The following ADARB2 variants were observed in gnomAD, a reference collection of about 807,000 sequenced individuals.
ADARB2 encodes adenosine deaminase RNA specific B2 (inactive).
ADARB2 carries 25 observed loss-of-function variants against 62.2 expected under a neutral mutation model. The observed-to-expected ratio is 0.40, with a 90% CI of 0.29 to 0.56. The LOEUF is 0.56. Among genes scored for constraint, ADARB2 ranks in the 20% least tolerant of loss-of-function variants. The pLI is 0.43. For synonymous variants in ADARB2, 572 were observed against 500.8 expected, an observed-to-expected ratio of 1.14 and a Z score of -1.90; for missense variants, 1,071 against 1,077.4, an observed-to-expected ratio of 0.99 and a Z score of 0.08.
At chr10:1,302,514 G>A (rs1014663101) in intron 3 of ADARB2, among the ~76,000 whole-genome samples, 21 of 152,198 alleles carry the variant, frequency 1.4e-4, no homozygotes, top group African/African-American at 3.9e-4. Flanking sequence ...CTCGAACTGG[G>A]TGGAGCCCAC....
chr10:1,388,698 A>G (rs1832544593), intron 1 of ADARB2, among the ~76,000 whole-genome samples: 1 of 152,194 alleles, frequency 6.6e-6, no homozygotes, highest in Non-Finnish European at 1.5e-5. Flanking sequence ...TTTACAAACA[A>G]TTGCTAAAAT....
intron 1 of ADARB2, among the ~76,000 whole-genome samples, chr10:1,564,530 C>T (rs1332498316): frequency 1.3e-5 from 2 of 152,038 alleles, no homozygotes; most frequent in South Asian, 2.1e-4. Context: ...GGGCTAATAT[C>T]CAGAATCTAC....
intron 1 of ADARB2, among the ~76,000 whole-genome samples, chr10:1,692,417 C>T (rs1033492947): frequency 1.3e-5 from 2 of 152,170 alleles, no homozygotes; most frequent in Non-Finnish European, 2.9e-5. Context: ...GTCATCTGTT[C>T]TTGGGCCACT....
chr10:1,205,268 TAGGGCCACCTA>T (rs1837038084), intron 7 of ADARB2, among the ~76,000 whole-genome samples: 1 of 83,184 alleles, frequency 1.2e-5, no homozygotes, highest in Non-Finnish European at 3.6e-5. Context: ...CTTGTTGTTT[TAGGGCCACCTA>T]AAACAACAGG....
At chr10:1,184,835 T>A (rs781512339) in intron 9 of ADARB2, 26 bp downstream of exon 9, 1 of 1,603,088 alleles carries the variant, frequency 6.2e-7, no homozygotes, top group South Asian at 1.1e-5. Flanking sequence ...GGGTCCAGTT[T>A]CCCTGCAAGG....
At chr10:1,387,254 C>A (rs1197952624) in intron 1 of ADARB2, among the ~76,000 whole-genome samples, 1 of 151,412 alleles carries the variant, frequency 6.6e-6, no homozygotes, top group Non-Finnish European at 1.5e-5. Flanking sequence ...GAAGAAACTA[C>A]TAAAATTAAT....
chr10:1,661,273 G>A (rs762243579), intron 1 of ADARB2, among the ~76,000 whole-genome samples: 33 of 152,018 alleles, frequency 2.2e-4, no homozygotes, highest in Non-Finnish European at 3.1e-4. Flanking sequence ...ACTTTCTCTG[G>A]GTCATAATTG....
chr10:1,647,036 T>A (rs1285072849), intron 1 of ADARB2, among the ~76,000 whole-genome samples: 1 of 152,246 alleles, frequency 6.6e-6, no homozygotes, highest in Non-Finnish European at 1.5e-5. Context: ...TGTGCCGTGT[T>A]GCCACCAACA....
At chr10:1,737,006 C>G in intron 1 of ADARB2, 45 bp downstream of exon 1, 1 of 1,596,632 alleles carries the variant, frequency 6.3e-7, no homozygotes, top group Non-Finnish European at 8.5e-7. Flanking sequence ...GTGGAGAAGC[C>G]GGGGGTGAAG....
At chr10:1,716,108 G>C (rs1217357238) in intron 1 of ADARB2, among the ~76,000 whole-genome samples, 1 of 152,034 alleles carries the variant, frequency 6.6e-6, no homozygotes, top group Non-Finnish European at 1.5e-5. Context: ...GGTGCACCGT[G>C]CGCGTTCCAC....
intron 1 of ADARB2, among the ~76,000 whole-genome samples, chr10:1,709,619 C>A (rs1834928220): frequency 6.6e-6 from 1 of 152,154 alleles, no homozygotes; most frequent in Admixed American, 6.5e-5. Context: ...TGACCCTAAG[C>A]ACAGGTGGTG....
chr10:1,687,029 CTTTTT>C (rs397952487), intron 1 of ADARB2, among the ~76,000 whole-genome samples: 2 of 128,986 alleles, frequency 1.6e-5, no homozygotes, highest in African/African-American at 5.9e-5. Flanking sequence ...ATGACATTGC[CTTTTT>C]TTTTTTTTTT....
chr10:1,200,088 A>G lies in ADARB2; in HGVS notation c.1742T>C (p.Leu581Pro), dbSNP rs1316498191. Residue 581 changes from leucine to proline, a missense_variant, in exon 8 of 10, where the codon CTG (leucine) becomes CCG (proline). Coordinates refer to ENST00000381312, the MANE Select transcript of ADARB2 (RefSeq NM_018702.4). ...CAGGCTGCCCACCACGATGCTCTGC[A>G]GGTACACGGGCTCCACGAAGTGGGA... is the stretch of plus-strand genomic sequence containing the variant. ...LLSHFVEPVY[L>P]QSIVVGSLHH... 2 of 1,570,892 alleles carry G rather than the reference A, an allele frequency of 1.3e-6. No homozygotes were observed. Among genetic ancestry groups the G allele is most frequent in the Admixed American group, 1.9e-5 (1 of 54,004 alleles).
intron 1 of ADARB2, among the ~76,000 whole-genome samples, chr10:1,470,080 T>TTCAGCCTGACCCTCTC (rs1831301294): frequency 6.6e-6 from 1 of 152,152 alleles, no homozygotes; most frequent in Non-Finnish European, 1.5e-5. Context: ...TCCAAGGTCA[T>TTCAGCCTGACCCTCTC]CCAGCCTGAC....
chr10:1,403,811 A>C (rs994925439), intron 1 of ADARB2, among the ~76,000 whole-genome samples: 10 of 152,176 alleles, frequency 6.6e-5, no homozygotes, highest in Non-Finnish European at 7.3e-5. Flanking sequence ...TGTTGCCCCT[A>C]AATCTGCTTT....
intron 3 of ADARB2, among the ~76,000 whole-genome samples, chr10:1,294,394 G>T (rs1831505677): frequency 6.6e-6 from 1 of 152,172 alleles, no homozygotes; most frequent in African/African-American, 2.4e-5. Context: ...CCCATCTTCA[G>T]TGTGAGGATG....
intron 2 of ADARB2, among the ~76,000 whole-genome samples, chr10:1,366,928 C>T (rs1256921170): frequency 6.6e-6 from 1 of 152,226 alleles, no homozygotes; most frequent in Non-Finnish European, 1.5e-5. Flanking sequence ...GCAATTTTTA[C>T]AGCTAACCCA....
intron 2 of ADARB2, among the ~76,000 whole-genome samples, chr10:1,368,679 A>G (rs1832335190): frequency 6.6e-6 from 1 of 152,240 alleles, no homozygotes; most frequent in East Asian, 1.9e-4. Context: ...TGGCAAGGCA[A>G]GAATTCGTTC....
intron 1 of ADARB2, among the ~76,000 whole-genome samples, chr10:1,525,327 A>G (rs989822904): frequency 3.3e-4 from 50 of 152,198 alleles, no homozygotes; most frequent in Non-Finnish European, 1.3e-4. Flanking sequence ...TGGTGCAATT[A>G]TTTTCTTCAG....
Sources: gnomAD v4.1 joint callset for allele counts (sites outside exome capture counted in the v4.1 genomes callset) on GRCh38, gnomAD v4.1.1 for gene constraint, MANE v1.5 for transcripts, NCBI Gene and HGNC (gene_info 2026-07-23, HGNC 2026-07-21) for gene names.